Variants in SORCS2 observed in about 807,000 individuals in gnomAD.
The protein encoded by SORCS2 is sortilin related VPS10 domain containing receptor 2, also known as VPS10 domain-containing receptor SorCS2.
A neutral mutation model predicts 141.6 loss-of-function variants in SORCS2; 100 were observed. The ratio of observed to expected loss-of-function variants is 0.71; its 90% CI spans 0.60 to 0.83. The LOEUF is 0.83. SORCS2 is among the 40% of genes least tolerant of loss of function. The pLI is 0.00. For synonymous variants in SORCS2, 789 were observed against 676.9 expected, an observed-to-expected ratio of 1.17 and a Z score of -2.57; for missense variants, 1,646 against 1,560.2, an observed-to-expected ratio of 1.05 and a Z score of -0.93.
chr4:7,335,079 T>C (rs985982448), intron 1 of SORCS2, among the ~76,000 whole-genome samples: 3 of 152,108 alleles, frequency 2.0e-5, no homozygotes, highest in African/African-American at 4.8e-5. Context: ...ACAGAGGGCA[T>C]CTGTGTCCCT....
chr4:7,555,648 T>A (rs933205073), intron 3 of SORCS2, among the ~76,000 whole-genome samples: 2 of 152,226 alleles, frequency 1.3e-5, no homozygotes, highest in South Asian at 4.1e-4. Context: ...TTTAAAAAAA[T>A]GCATCAAATT....
intron 2 of SORCS2, among the ~76,000 whole-genome samples, chr4:7,458,052 G>A (rs1260675951): frequency 6.6e-6 from 1 of 152,222 alleles, no homozygotes; most frequent in East Asian, 1.9e-4. Flanking sequence ...CATTGACCTG[G>A]TTGAGTGGGT....
At chr4:7,645,464 T>C (rs1333347178) in intron 4 of SORCS2, among the ~76,000 whole-genome samples, 1 of 152,076 alleles carries the variant, frequency 6.6e-6, no homozygotes, top group Non-Finnish European at 1.5e-5. Flanking sequence ...AGTATGTATA[T>C]GCATGTATGT....
Position 7,367,693 on chromosome 4 carries a change from C to T in SORCS2, c.481-28595C>T, listed in dbSNP as rs527662854. ...CATACTCAGGAGCCCGTGTTGGCTCCGACTCTCCCTAGGAAATTGCTTATT... is the reference window on the plus strand; with the variant it reads ...CATACTCAGGAGCCCGTGTTGGCTCTGACTCTCCCTAGGAAATTGCTTATT... On this transcript the variant is annotated intron_variant, in intron 1 of 26. Coordinates refer to ENST00000507866, the MANE Select transcript of SORCS2 (RefSeq NM_020777.3). Among the ~76,000 whole-genome samples the T allele has an allele frequency of 6.6e-5, 10 of 152,332 alleles. No individual in the cohort carries two copies. In the South Asian group the frequency reaches 8.3e-4, roughly 13 times the overall value.
In SORCS2 at chr4:7,403,738, T is replaced by C. The variant is rs555832884; in HGVS notation, c.548+7383T>C. ...ATTTAATTCCATAATCTTTAATTTT[T>C]CTTTAAATTTTATTATGATTTATAT... On this transcript the variant is annotated intron_variant, in intron 2 of 26. Coordinates refer to ENST00000507866, the MANE Select transcript of SORCS2 (RefSeq NM_020777.3). 6.6e-5 allele frequency among the ~76,000 whole-genome samples: 10 copies of C among 151,426 alleles called. No individual in the cohort carries two copies. The South Asian group carries it at 2.1e-3, about 32-fold the overall frequency.
chr4:7,320,889 CCCCT>C (rs930674524), intron 1 of SORCS2, among the ~76,000 whole-genome samples: 1 of 141,802 alleles, frequency 7.1e-6, no homozygotes, highest in Non-Finnish European at 1.5e-5. Context: ...CCCTTCCCCT[CCCCT>C]CCCTCCCTCC....
chr4:7,236,076 C>T (rs1342716668), intron 1 of SORCS2, among the ~76,000 whole-genome samples: 1 of 152,232 alleles, frequency 6.6e-6, no homozygotes, highest in Non-Finnish European at 1.5e-5. Context: ...TGGGTAAACA[C>T]GTGCCTGTTG....
chr4:7,675,033 G>T (rs771905629), intron 8 of SORCS2, among the ~76,000 whole-genome samples: 30 of 152,234 alleles, frequency 2.0e-4, no homozygotes, highest in African/African-American at 7.0e-4. Context: ...AGGAACAGAG[G>T]TGGGAGGGAA....
At chr4:7,494,930 G>C (rs536450889) in intron 2 of SORCS2, among the ~76,000 whole-genome samples, 1 of 152,378 alleles carries the variant, frequency 6.6e-6, no homozygotes, top group African/African-American at 2.4e-5. Flanking sequence ...CCCACAGCCT[G>C]TTTCCCTGGG....
rs1712591615 is a variant in SORCS2 at position 7,740,560 on chromosome 4, A to C, written c.*296A>C. 1 of 469,124 alleles carries C rather than the reference A, an allele frequency of 2.1e-6. No homozygotes were observed. Among genetic ancestry groups the C allele is most frequent in the African/African-American group, 1.9e-5 (1 of 51,484 alleles). The allele number at this position is 469,124 out of a possible 1,614,324, so 29.1% of individuals were successfully genotyped here. On this transcript the variant is annotated 3_prime_UTR_variant, in exon 27 of 27. Coordinates refer to ENST00000507866, the MANE Select transcript of SORCS2 (RefSeq NM_020777.3). ...ACGGCCGCCCCACGTGCTGTCGCTC[A>C]GCCCGAGGCCTGACTTCTCTGGGCT...
intron 2 of SORCS2, among the ~76,000 whole-genome samples, chr4:7,489,673 G>A (rs1307600352): frequency 2.0e-5 from 3 of 152,152 alleles, no homozygotes; most frequent in Non-Finnish European, 4.4e-5. Flanking sequence ...ATCAATGCAT[G>A]TAATTTGTGA....
chr4:7,441,741 C>T lies in SORCS2; in HGVS notation c.548+45386C>T, dbSNP rs534894037. 2.5e-3 allele frequency among the ~76,000 whole-genome samples: 253 copies of T among 99,998 alleles called. 6 individuals are homozygous for T. Among genetic ancestry groups the T allele is most frequent in the Middle Eastern group, 9.6e-3 (2 of 208 alleles). 65.6% of individuals were successfully genotyped at this position (99,998 alleles called of 152,430 possible). A position where few individuals can be genotyped will look rare whatever the true frequency, so the allele number is the denominator to read the frequency against. On this transcript the variant is annotated intron_variant, in intron 2 of 26. Transcript: ENST00000507866. ...AACCCAGATTACCCTCCACCCCCTC[C>T]CCCAGCCCAGATCACCCTCCACCCC...
chr4:7,495,807 G>A (rs1191647143), intron 2 of SORCS2, among the ~76,000 whole-genome samples: 8 of 152,200 alleles, frequency 5.3e-5, no homozygotes, highest in Admixed American at 1.3e-4. Context: ...TCTGAGCTGC[G>A]TGGTGACCCC....
intron 2 of SORCS2, among the ~76,000 whole-genome samples, chr4:7,501,771 A>G (rs1477828782): frequency 6.6e-6 from 1 of 152,156 alleles, no homozygotes; most frequent in African/African-American, 2.4e-5. Flanking sequence ...GACCAGGGAA[A>G]TCTTTCCCCA....
At chr4:7,334,735 G>C (rs1719881195) in intron 1 of SORCS2, among the ~76,000 whole-genome samples, 1 of 152,164 alleles carries the variant, frequency 6.6e-6, no homozygotes, top group African/African-American at 2.4e-5. Context: ...TGATCAGGTG[G>C]GGAGGTTGCC....
chr4:7,433,131 C>A, intron 2 of SORCS2: 1 of 538,492 alleles, frequency 1.9e-6, no homozygotes, highest in Non-Finnish European at 2.9e-6. Context: ...AAGGGCAAAG[C>A]TGTGCGGCAC....
intron 1 of SORCS2, among the ~76,000 whole-genome samples, chr4:7,242,972 C>T (rs922935231): frequency 6.6e-6 from 1 of 152,220 alleles, no homozygotes; most frequent in Admixed American, 6.5e-5. Context: ...CTAGCAGTGA[C>T]ACATGCTGGT....
chr4:7,398,239 C>T lies in SORCS2; in HGVS notation c.548+1884C>T, dbSNP rs569223358. On this transcript the variant is annotated intron_variant, in intron 2 of 26. Transcript: ENST00000507866. ...CACTTACAGGCTCCAGACAGGATTC[C>T]TCAGAAGCAGGTGGCAGCAGAGAGG... 5.9e-5 allele frequency among the ~76,000 whole-genome samples: 9 copies of T among 152,306 alleles called. No individual in the cohort carries two copies. In the East Asian group the frequency reaches 1.5e-3, roughly 26 times the overall value.
intron 2 of SORCS2, chr4:7,434,529 G>A: frequency 6.2e-7 from 1 of 1,613,116 alleles, no homozygotes; most frequent in East Asian, 2.2e-5. Flanking sequence ...TGCTCAGGAT[G>A]GCCGAACTGT....
Sources: gnomAD v4.1 joint callset for allele counts (sites outside exome capture counted in the v4.1 genomes callset) on GRCh38, gnomAD v4.1.1 for gene constraint, MANE v1.5 for transcripts, NCBI Gene and HGNC (gene_info 2026-07-23, HGNC 2026-07-21) for gene names.